ZNF219: variants seen among roughly 807,000 people sequenced by gnomAD.
The protein encoded by ZNF219 is zinc finger protein 219.
Under a neutral mutation model 54.4 loss-of-function variants are expected in ZNF219, and 17 were observed. The ratio of observed to expected loss-of-function variants is 0.31; its 90% CI spans 0.21 to 0.47. The LOEUF is 0.47. Among genes scored for constraint, ZNF219 ranks in the 20% least tolerant of loss-of-function variants. ZNF219 has a pLI of 1.00. For synonymous variants in ZNF219, 518 were observed against 476.4 expected (o/e 1.09, Z -1.14); for missense variants, 1,014 against 1,062.3 (o/e 0.95, Z 0.63).
Position 21,098,478 on chromosome 14 carries a change from C to G in ZNF219, c.-250G>C. Reference sequence around the variant, plus strand: ...CGCCCCCTCCCCGGTCCCCCGCCCCCGGCCCTGGCCCGCATTGTGTGCGGC... The same window carrying G: ...CGCCCCCTCCCCGGTCCCCCGCCCCGGGCCCTGGCCCGCATTGTGTGCGGC... On this transcript the variant is annotated 5_prime_UTR_variant, in exon 1 of 5. Coordinates refer to ENST00000360947, the MANE Select transcript of ZNF219 (RefSeq NM_016423.3). 1 of 979,050 alleles carries G rather than the reference C, an allele frequency of 1.0e-6. No homozygotes were observed. Among genetic ancestry groups the G allele is most frequent in the Non-Finnish European group, 1.2e-6 (1 of 825,976 alleles). The allele number at this position is 979,050 out of a possible 1,614,324, so 60.6% of individuals were successfully genotyped here. A position where few individuals can be genotyped will look rare whatever the true frequency, so the allele number is the denominator to read the frequency against.
chr14:21,102,859 A>T, upstream of ZNF219: 1 of 1,499,948 alleles, frequency 6.7e-7, no homozygotes, highest in Non-Finnish European at 8.9e-7. Context: ...GTGGCACTTA[A>T]GGGAAAATAA....
At chr14:21,095,625 T>G (rs1889242304) in intron 1 of ZNF219, among the ~76,000 whole-genome samples, 1 of 152,188 alleles carries the variant, frequency 6.6e-6, no homozygotes, top group Non-Finnish European at 1.5e-5. Context: ...GAGAGTGCAG[T>G]GGGCTACCAC....
chr14:21,093,510 A>AAG (rs1165505837), intron 2 of ZNF219, 76 bp downstream of exon 2: 29 of 1,529,494 alleles, frequency 1.9e-5, no homozygotes, highest in Non-Finnish European at 2.3e-5. Context: ...TGGGAGGTCA[A>AAG]AGAGAGAGAG....
At position 21,092,523 on chromosome 14, in the gene ZNF219, C is replaced by T; in HGVS notation, c.774G>A (p.Pro258=). 1.9e-6 allele frequency: 3 copies of T among 1,549,924 alleles called. No individual in the cohort carries two copies. The highest frequency in any genetic ancestry group is 8.7e-7 in the Non-Finnish European group (1 of 1,146,680). Residue 258 remains proline, a synonymous_variant, in exon 3 of 5, where the codon CCG becomes CCA. Transcript: ENST00000360947. ...PEPEPEREAT[P]TPAPAAPEEP... ...CCTCGGGAGCGGCAGGAGCTGGGGTCGGGGTTGCCTCACGTTCGGGCTCCG... is the reference window on the plus strand; with the variant it reads ...CCTCGGGAGCGGCAGGAGCTGGGGTTGGGGTTGCCTCACGTTCGGGCTCCG...
Position 21,093,031 on chromosome 14 carries a change from T to A in ZNF219, c.266A>T (p.His89Leu). 1 of 1,599,914 alleles carries A rather than the reference T, an allele frequency of 6.3e-7. No homozygotes were observed. The highest frequency in any genetic ancestry group is 8.5e-7 in the Non-Finnish European group (1 of 1,175,616). Residue 89 changes from histidine to leucine, a missense_variant, in exon 3 of 5, where the codon CAC becomes CTC. Physicochemically the swap from His to Leu is moderately conservative, Grantham distance 99 (BLOSUM62 -3). Transcript: ENST00000360947. ...CCGCTGCGCCGCGCGGTGGCCGCAG[T>A]GAGGGCACTGGAAGGCCTGGGCTCC... Reference protein sequence around the residue: ...HPGAQAFQCPHCGHRAAQRAL... With the variant: ...HPGAQAFQCPLCGHRAAQRAL...
In ZNF219 at chr14:21,090,637, C is replaced by T; in HGVS notation, c.2068G>A (p.Val690Ile). 1.2e-6 allele frequency: 2 copies of T among 1,612,586 alleles called. No individual in the cohort carries two copies. Among genetic ancestry groups the T allele is most frequent in the Non-Finnish European group, 1.7e-6 (2 of 1,179,816 alleles). Residue 690 changes from valine to isoleucine, a missense_variant, in exon 5 of 5, where the codon GTA becomes ATA. By Grantham distance (29) the Val-to-Ile change is conservative. Transcript: ENST00000360947. The surrounding 1 kb of genome is among the most constrained non-coding windows in gnomAD (Gnocchi z 4.4). ...QADASPPYAR[V>I]PSGETPPSPS... ...CTGGGAGGGGTCTCTCCTGATGGTA[C>T]TCGGGCATAGGGCGGGGACGCGTCA...
chr14:21,101,655 G>GA (rs1265251227), upstream of ZNF219: 1 of 650,498 alleles, frequency 1.5e-6, no homozygotes, highest in Non-Finnish European at 2.6e-6. Flanking sequence ...TCTTGTGGGG[G>GA]AAAACATACA....
chr14:21,093,558 T>G, intron 2 of ZNF219, 28 bp downstream of exon 2: 1 of 1,609,126 alleles, frequency 6.2e-7, no homozygotes, highest in Admixed American at 1.7e-5. Flanking sequence ...TGTAGGTACT[T>G]GTAGGTTGAA....
rs145113419 is a variant in ZNF219 at position 21,090,534 on chromosome 14, C to T, written c.*2G>A. ...ACTAAGCTAATCGCCCCTGAGGGCCCACTACCGTTCTTGCCCCCCCAGCCC... is the reference window on the plus strand; with the variant it reads ...ACTAAGCTAATCGCCCCTGAGGGCCTACTACCGTTCTTGCCCCCCCAGCCC... On this transcript the variant is annotated 3_prime_UTR_variant, in exon 5 of 5. Coordinates refer to ENST00000360947, the MANE Select transcript of ZNF219 (RefSeq NM_016423.3). The surrounding 1 kb of genome is among the most constrained non-coding windows in gnomAD (Gnocchi z 4.4). 3.0e-5 allele frequency: 47 copies of T among 1,588,052 alleles called. No individual in the cohort carries two copies. The African/African-American group carries it at 4.3e-4, about 15-fold the overall frequency.
At chr14:21,094,736 G>GGGGA (rs1270376691) in intron 1 of ZNF219, among the ~76,000 whole-genome samples, 1 of 79,636 alleles carries the variant, frequency 1.3e-5, no homozygotes, top group African/African-American at 4.8e-5. Context: ...TGGGGGGGGG[G>GGGGA]GCGGGTGCTG....
At chr14:21,101,666 G>A (rs961985231), upstream of ZNF219, 5 of 642,362 alleles carry the variant, frequency 7.8e-6, no homozygotes, top group Admixed American at 3.0e-5. Context: ...AAAACATACA[G>A]GTAAGTAACT....
At position 21,091,956 on chromosome 14, in the gene ZNF219, G is replaced by A. The variant is rs1888924579; in HGVS notation, c.1341C>T (p.Gly447=). ...EETWARGRSL[G]SLASLHPRPG... is the part of the protein sequence containing the mutation. ...GGCGCGGGTGCAGGGAAGCCAGAGAGCCCAGCGACCTGCCCCGGGCCCAGG... is the reference window on the plus strand; with the variant it reads ...GGCGCGGGTGCAGGGAAGCCAGAGAACCCAGCGACCTGCCCCGGGCCCAGG... The change falls in exon 3 of 5, where the codon GGC becomes GGT. Residue 447 remains glycine, a synonymous_variant. Coordinates refer to ENST00000360947, the MANE Select transcript of ZNF219 (RefSeq NM_016423.3). 1.9e-6 allele frequency: 3 copies of A among 1,594,134 alleles called. No individual in the cohort carries two copies. Among genetic ancestry groups the A allele is most frequent in the Non-Finnish European group, 2.6e-6 (3 of 1,171,228 alleles).
upstream of ZNF219, chr14:21,101,404 C>T: frequency 6.4e-7 from 1 of 1,551,694 alleles, no homozygotes; most frequent in Non-Finnish European, 8.7e-7. Flanking sequence ...GGAAAAGCTA[C>T]AACACTGGGC....
chr14:21,095,448 A>G (rs1283945226), intron 1 of ZNF219, among the ~76,000 whole-genome samples: 1 of 152,244 alleles, frequency 6.6e-6, no homozygotes, highest in Non-Finnish European at 1.5e-5. Context: ...TACAACCTTT[A>G]CTAAATCACT....
At position 21,098,500 on chromosome 14, in the gene ZNF219, C is replaced by T; in HGVS notation, c.-272G>A. ...CCCCGGCCCTGGCCCGCATTGTGTG[C>T]GGCGGGAGGCGGCCCGGCCATTAGC... On this transcript the variant is annotated 5_prime_UTR_variant, in exon 1 of 5. Transcript: ENST00000360947. 3.1e-6 allele frequency: 3 copies of T among 983,104 alleles called. No individual in the cohort carries two copies. The highest frequency in any genetic ancestry group is 3.6e-6 in the Non-Finnish European group (3 of 828,976). 60.9% of individuals were successfully genotyped at this position (983,104 alleles called of 1,614,324 possible).
rs749381452 is a variant in ZNF219, at chr14:21,093,669, G to A, written c.-78C>T. ...GCTGCTAATGAAGGCAACAGGTGCTGTGGAGCTAAAGCAAGAGACAGATTT... is the reference window on the plus strand; with the variant it reads ...GCTGCTAATGAAGGCAACAGGTGCTATGGAGCTAAAGCAAGAGACAGATTT... On this transcript the variant is annotated 5_prime_UTR_variant, in exon 2 of 5. Transcript: ENST00000360947. The A allele has an allele frequency of 6.2e-7, 1 of 1,613,914 alleles. No homozygotes were observed. The highest frequency in any genetic ancestry group is 2.2e-5 in the East Asian group (1 of 44,888).
upstream of ZNF219, chr14:21,103,614 C>CCAGTT (rs1889790560): frequency 4.5e-6 from 1 of 221,432 alleles, no homozygotes; most frequent in South Asian, 5.9e-5. Flanking sequence ...CAGGAGTGCC[C>CCAGTT]CAGTTCCCCT....
In ZNF219 at chr14:21,093,213, T is replaced by G. The variant is rs1424011510; in HGVS notation, c.84A>C (p.Arg28=). 1 of 1,605,730 alleles carries G rather than the reference T, an allele frequency of 6.2e-7. No individual in the cohort carries two copies. The highest frequency in any genetic ancestry group is 1.7e-5 in the Admixed American group (1 of 59,844). Residue 28 remains arginine, a synonymous_variant, in exon 3 of 5, where the codon CGA becomes CGC. Transcript: ENST00000360947. ...PAFDGELDLQ[R]YSNGPAVSAG... ...CGCTCACGGCTGGCCCGTTGGAGTATCGCTGCAGATCCAGCTCGCCGTCGA... is the reference window on the plus strand; with the variant it reads ...CGCTCACGGCTGGCCCGTTGGAGTAGCGCTGCAGATCCAGCTCGCCGTCGA...
chr14:21,103,438 C>CA, upstream of ZNF219: 1 of 1,038,160 alleles, frequency 9.6e-7, no homozygotes, highest in Non-Finnish European at 1.3e-6. Flanking sequence ...CTCACCTCAC[C>CA]ACCCTGAAAA....
Sources: allele counts gnomAD v4.1 joint callset (sites outside exome capture counted in the v4.1 genomes callset), GRCh38; gene constraint gnomAD v4.1.1; non-coding constraint Gnocchi (gnomAD v3.1); transcripts MANE v1.5; gene names NCBI Gene and HGNC (gene_info 2026-07-23, HGNC 2026-07-21).